The following ATP9A variants were observed in gnomAD, a reference collection of about 807,000 sequenced individuals.
The protein encoded by ATP9A is probable phospholipid-transporting ATPase IIA.
Under a neutral mutation model 144.1 loss-of-function variants are expected in ATP9A, and 52 were observed. That is an observed-to-expected ratio of 0.36 (90% CI 0.29 to 0.45). The LOEUF (loss-of-function observed/expected upper bound fraction) is 0.45. ATP9A is among the 20% of genes least tolerant of loss of function. The probability of loss-of-function intolerance (pLI) is 1.00; values close to 1 mark genes in which losing one functional copy is unlikely to be tolerated. For missense variants in ATP9A, 947 were observed against 1,392.7 expected (o/e 0.68, Z 5.09); for synonymous variants, 582 against 557.4 (o/e 1.04, Z -0.62).
intron 6 of ATP9A, among the ~76,000 whole-genome samples, chr20:51,695,466 GAAAA>G (rs5841858): frequency 1.6e-5 from 2 of 124,998 alleles, no homozygotes; most frequent in African/African-American, 3.0e-5. Flanking sequence ...CGGTCTCAAG[GAAAA>G]AAAAAAAAAA....
At chr20:51,604,703 G>C (rs372124993) in intron 27 of ATP9A, 114 bp downstream of exon 27, 1 of 951,472 alleles carries the variant, frequency 1.1e-6, no homozygotes. Context: ...AGGACTGCTG[G>C]AGGAAGAGCC....
At chr20:51,697,334 T>C in intron 5 of ATP9A, 90 bp downstream of exon 5, 2 of 1,325,712 alleles carry the variant, frequency 1.5e-6, no homozygotes, top group Non-Finnish European at 2.1e-6. Context: ...AATCCCAAAA[T>C]TCAACATTCA....
At chr20:51,641,249 C>T (rs2077317412) in intron 14 of ATP9A, among the ~76,000 whole-genome samples, 1 of 151,924 alleles carries the variant, frequency 6.6e-6, no homozygotes, top group Non-Finnish European at 1.5e-5. Flanking sequence ...ATCCCAGCTA[C>T]TCAGGAGGCT....
At chr20:51,713,106 C>A (rs1307205326) in intron 3 of ATP9A, 32 bp from the exon 4 acceptor site, 1 of 1,576,546 alleles carries the variant, frequency 6.3e-7, no homozygotes, top group Middle Eastern at 1.7e-4. Context: ...AGTCTTGCTA[C>A]AGGCAGTGAG....
intron 1 of ATP9A, among the ~76,000 whole-genome samples, chr20:51,739,349 C>CTTT (rs749000986): frequency 1.5e-5 from 2 of 134,666 alleles, no homozygotes; most frequent in Non-Finnish European, 3.2e-5. Flanking sequence ...TACACTCACT[C>CTTT]TTTTTTTTTT....
intron 27 of ATP9A, among the ~76,000 whole-genome samples, chr20:51,603,770 T>C (rs2077152340): frequency 1.2e-5 from 1 of 81,608 alleles, no homozygotes; most frequent in African/African-American, 5.9e-5. Flanking sequence ...TAACATTTTT[T>C]ATTATTTATT....
At chr20:51,766,385 G>A (rs80215573) in intron 1 of ATP9A, among the ~76,000 whole-genome samples, 7,152 of 152,234 alleles carry the variant, frequency 0.047, 184 homozygotes, top group Non-Finnish European at 0.06. Context: ...CAGCTGGAGT[G>A]GCTCCTGCAC....
chr20:51,752,059 A>C (rs976198216), intron 1 of ATP9A, among the ~76,000 whole-genome samples: 8 of 151,854 alleles, frequency 5.3e-5, no homozygotes, highest in African/African-American at 1.9e-4. Context: ...ACAACAAAAA[A>C]AAAAAAACAA....
chr20:51,759,471 G>A (rs1329210143), intron 1 of ATP9A, among the ~76,000 whole-genome samples: 6 of 152,162 alleles, frequency 3.9e-5, no homozygotes, highest in East Asian at 3.9e-4. Flanking sequence ...TCAGGAGTTC[G>A]AAACCAGCAT....
chr20:51,663,518 A>C (rs1378799679), intron 13 of ATP9A, among the ~76,000 whole-genome samples: 1 of 152,040 alleles, frequency 6.6e-6, no homozygotes, highest in Non-Finnish European at 1.5e-5. Context: ...AGAGAATGTA[A>C]ACTCGGTGGC....
At chr20:51,678,905 C>A (rs1457325885) in intron 9 of ATP9A, among the ~76,000 whole-genome samples, 1 of 152,230 alleles carries the variant, frequency 6.6e-6, no homozygotes, top group African/African-American at 2.4e-5. Context: ...ACCCCAGCCT[C>A]ATCCTCAGTG....
chr20:51,696,917 A>C (rs1440073361), intron 5 of ATP9A, among the ~76,000 whole-genome samples: 1 of 152,250 alleles, frequency 6.6e-6, no homozygotes, highest in Non-Finnish European at 1.5e-5. Flanking sequence ...TTGCTAAAGT[A>C]GCAAACATAC....
intron 9 of ATP9A, among the ~76,000 whole-genome samples, chr20:51,677,819 C>A (rs1208194512): frequency 6.6e-6 from 1 of 151,996 alleles, no homozygotes; most frequent in African/African-American, 2.4e-5. Flanking sequence ...GGCCAGTGAA[C>A]AAGAGGAAAA....
chr20:51,694,836 T>C (rs2077563774), intron 6 of ATP9A, among the ~76,000 whole-genome samples: 1 of 152,208 alleles, frequency 6.6e-6, no homozygotes. Context: ...GAACTATTAA[T>C]GTAGAACACT....
chr20:51,723,062 C>A (rs1044136150), intron 3 of ATP9A, among the ~76,000 whole-genome samples: 1 of 152,126 alleles, frequency 6.6e-6, no homozygotes, highest in African/African-American at 2.4e-5. Flanking sequence ...ATGGACTACT[C>A]CTCACCCATA....
rs1247071771 is a variant in ATP9A at position 51,717,960 on chromosome 20, AAAAG to A, written c.328-4890_328-4887del. Among the ~76,000 whole-genome samples, 38 of 152,164 alleles carry A rather than the reference AAAAG, an allele frequency of 2.5e-4. No homozygotes were observed. In the South Asian group the frequency reaches 3.9e-3, roughly 16 times the overall value. ...CAGAGACTCCGTCTCAAAAAAAAAA[AAAAG>A]AAAGAAAGAAAAGGAAAAATGTATG... is the stretch of plus-strand genomic sequence containing the variant. On this transcript the variant is annotated intron_variant, in intron 3 of 27. Transcript: ENST00000338821.
intron 26 of ATP9A, among the ~76,000 whole-genome samples, chr20:51,605,526 G>A (rs562735455): frequency 6.6e-6 from 1 of 152,194 alleles, no homozygotes; most frequent in African/African-American, 2.4e-5. Flanking sequence ...GCTGAGGTGG[G>A]AGGATCACTT....
At chr20:51,755,459 T>C (rs918342476) in intron 1 of ATP9A, among the ~76,000 whole-genome samples, 1 of 151,838 alleles carries the variant, frequency 6.6e-6, no homozygotes, top group Non-Finnish European at 1.5e-5. Flanking sequence ...AAATTTCTTA[T>C]AATACCATTA....
intron 10 of ATP9A, among the ~76,000 whole-genome samples, chr20:51,674,668 T>TCCA (rs2077469887): frequency 6.6e-6 from 1 of 152,160 alleles, no homozygotes; most frequent in Non-Finnish European, 1.5e-5. Context: ...CTGAATAGCC[T>TCCA]CCACCACCCT....
Sources: gnomAD v4.1 joint callset for allele counts (sites outside exome capture counted in the v4.1 genomes callset) on GRCh38, gnomAD v4.1.1 for gene constraint, MANE v1.5 for transcripts, NCBI Gene and HGNC (gene_info 2026-07-23, HGNC 2026-07-21) for gene names.